Variants in ANXA2 observed in about 807,000 individuals in gnomAD.
ANXA2 encodes annexin A2.
Under a neutral mutation model 47.3 loss-of-function variants are expected in ANXA2, and 28 were observed. The ratio of observed to expected loss-of-function variants is 0.59; its 90% CI spans 0.44 to 0.81. ANXA2 has a LOEUF of 0.81. Ranked by LOEUF, ANXA2 falls within the 40% of genes least tolerant of loss-of-function variation. The pLI is 0.00. For missense variants in ANXA2, 384 were observed against 414.3 expected (o/e 0.93, Z 0.64); for synonymous variants, 172 against 155.5 (o/e 1.11, Z -0.79).
chr15:60,385,918 G>C, intron 2 of ANXA2, 110 bp downstream of exon 2: 1 of 667,860 alleles, frequency 1.5e-6, no homozygotes, highest in Non-Finnish European at 2.6e-6. Context: ...AATGATGACT[G>C]TCTGAATTGT....
chr15:60,367,441 G>C (rs1356213725), intron 3 of ANXA2, among the ~76,000 whole-genome samples: 4 of 79,210 alleles, frequency 5.0e-5, no homozygotes, highest in Admixed American at 3.6e-4. Context: ...GTGGGGGGGG[G>C]GGTCAGCCCC....
chr15:60,360,653 T>C (rs1167171575), intron 5 of ANXA2, among the ~76,000 whole-genome samples: 1 of 152,182 alleles, frequency 6.6e-6, no homozygotes, highest in African/African-American at 2.4e-5. Context: ...AAGGAGGAAG[T>C]GTAATCAAGG....
chr15:60,357,210 G>A lies in ANXA2; in HGVS notation c.384C>T (p.Leu128=). Residue 128 remains leucine, a synonymous_variant, in exon 6 of 13, where the codon CTC becomes CTT. Transcript: ENST00000451270. The stretch of plus-strand genomic sequence containing the variant: ...TGGTTCTGGAGCAGATGATCTCAAT[G>A]AGAGAGTCCTCGTCGGTTCCCAGCC... ...MKGLGTDEDS[L]IEIICSRTNQ... is the part of the protein sequence containing the mutation. 6.2e-7 allele frequency: 1 copy of A among 1,614,168 alleles called. No individual in the cohort carries two copies. The highest frequency in any genetic ancestry group is 1.7e-5 in the Admixed American group (1 of 60,022).
chr15:60,363,075 T>C (rs1389698974), intron 4 of ANXA2: 2 of 148,092 alleles, frequency 1.4e-5, no homozygotes, highest in African/African-American at 5.0e-5. Flanking sequence ...GGCTTCTATG[T>C]GTGTGTGTAC....
At chr15:60,395,892 T>G (rs936890513) in intron 1 of ANXA2, 1 of 152,222 alleles carries the variant, frequency 6.6e-6, no homozygotes, top group Non-Finnish European at 1.5e-5. Flanking sequence ...GGGACATTTT[T>G]GGACAAACCC....
intron 12 of ANXA2, 24 bp from the exon 13 acceptor site, chr15:60,347,713 G>C: frequency 6.2e-7 from 1 of 1,612,094 alleles, no homozygotes; most frequent in African/African-American, 1.3e-5. Context: ...GGAAAGAAAA[G>C]AAACGTGGTA....
chr15:60,386,041 C>T lies in ANXA2; in HGVS notation c.35G>A (p.Ser12Asn), dbSNP rs1390203091. The change falls in exon 2 of 13, where the codon AGC becomes AAC. Residue 12 changes from serine (S) to asparagine (N), a missense_variant. By Grantham distance (46) the Ser-to-Asn change is conservative. Transcript: ENST00000451270. ...TGATATACTTACATCACCCTCCAAG[C>T]TGAGCTTGCACAGGATTTCGTGAAC... ...STVHEILCKL[S>N]LEGDHSTPPS... The T allele has an allele frequency of 6.2e-7, 1 of 1,612,442 alleles. No individual in the cohort carries two copies. Among genetic ancestry groups the T allele is most frequent in the African/African-American group, 1.3e-5 (1 of 74,960 alleles).
chr15:60,397,861 C>G (rs2063102900), intron 1 of ANXA2, 82 bp downstream of exon 1: 1 of 1,388,108 alleles, frequency 7.2e-7, no homozygotes. Context: ...GCCTCCCTGC[C>G]AGGCCGTACC....
intron 8 of ANXA2, among the ~76,000 whole-genome samples, chr15:60,353,469 T>C (rs1267914250): frequency 6.6e-6 from 1 of 152,196 alleles, no homozygotes; most frequent in Non-Finnish European, 1.5e-5. Flanking sequence ...AAACTGATGC[T>C]TCCATACAAG....
chr15:60,392,424 A>G (rs959804201), intron 1 of ANXA2, among the ~76,000 whole-genome samples: 1 of 151,708 alleles, frequency 6.6e-6, no homozygotes, highest in Non-Finnish European at 1.5e-5. Context: ...AAAAAACTCT[A>G]TAGATTTTAT....
In ANXA2 at chr15:60,351,228, G is replaced by C. The variant is rs771711134; in HGVS notation, c.802C>G (p.Leu268Val). The change falls in exon 11 of 13, where the codon CTG (leucine) becomes GTG (valine). Residue 268 changes from leucine (L) to valine (V), a missense_variant. Transcript: ENST00000451270. Reference sequence around the variant, plus strand: ...TCATACAGCCGATCAGCAAAATACAGGGGCTTGTTCTGAATGCACTGAACT... The same window carrying C: ...TCATACAGCCGATCAGCAAAATACACGGGCTTGTTCTGAATGCACTGAACT... ...NLVQCIQNKP[L>V]YFADRLYDSM... 6.2e-7 allele frequency: 1 copy of C among 1,614,216 alleles called. No homozygotes were observed. Among genetic ancestry groups the C allele is most frequent in the South Asian group, 1.1e-5 (1 of 91,090 alleles).
chr15:60,359,943 G>C (rs898094680), intron 5 of ANXA2, among the ~76,000 whole-genome samples: 1 of 152,226 alleles, frequency 6.6e-6, no homozygotes, highest in Admixed American at 6.5e-5. Flanking sequence ...TAATGTGTGT[G>C]CATCTATTGC....
chr15:60,360,998 C>G lies in ANXA2; in HGVS notation c.300G>C (p.Leu100Phe). ...ALSGHLETVILGLLKTPAQYD... is the reference protein window; with the variant it reads ...ALSGHLETVIFGLLKTPAQYD... ...ACTGAGCAGGTGTCTTCAATAGGCCCAAAATCACCGTCTCCAGGTGGCCAG... is the reference window on the plus strand; with the variant it reads ...ACTGAGCAGGTGTCTTCAATAGGCCGAAAATCACCGTCTCCAGGTGGCCAG... The change falls in exon 5 of 13, where the codon TTG becomes TTC. Residue 100 changes from leucine (L) to phenylalanine (F), a missense_variant. Transcript: ENST00000451270. 6.2e-7 allele frequency: 1 copy of G among 1,614,028 alleles called. No homozygotes were observed. The highest frequency in any genetic ancestry group is 8.5e-7 in the Non-Finnish European group (1 of 1,179,912).
chr15:60,359,236 T>G (rs1327116953), intron 5 of ANXA2, among the ~76,000 whole-genome samples: 5 of 152,196 alleles, frequency 3.3e-5, no homozygotes. Context: ...ATTACAACAG[T>G]GACTGACAGC....
intron 3 of ANXA2, among the ~76,000 whole-genome samples, chr15:60,378,912 G>C (rs1402443897): frequency 6.6e-6 from 1 of 152,118 alleles, no homozygotes; most frequent in African/African-American, 2.4e-5. Context: ...GTTGCAGTGA[G>C]CCGAGATTGT....
At chr15:60,361,682 C>T (rs570811770) in intron 4 of ANXA2, among the ~76,000 whole-genome samples, 14 of 152,122 alleles carry the variant, frequency 9.2e-5, no homozygotes, top group Admixed American at 7.2e-4. Context: ...AAACTAACAC[C>T]CCCGAACTGG....
At chr15:60,371,222 C>A (rs2062706270) in intron 3 of ANXA2, among the ~76,000 whole-genome samples, 1 of 152,120 alleles carries the variant, frequency 6.6e-6, no homozygotes, top group Non-Finnish European at 1.5e-5. Context: ...TCGTGGGCAC[C>A]CCCAGAGGTC....
At chr15:60,362,267 A>G (rs2062525824) in intron 4 of ANXA2, among the ~76,000 whole-genome samples, 2 of 152,066 alleles carry the variant, frequency 1.3e-5, no homozygotes, top group Non-Finnish European at 2.9e-5. Flanking sequence ...CCCTCTACCC[A>G]TTCTCTATTC....
chr15:60,349,728 CAGAG>C (rs370137354), intron 11 of ANXA2, among the ~76,000 whole-genome samples: 10 of 121,738 alleles, frequency 8.2e-5, no homozygotes, highest in Middle Eastern at 9.6e-3. Context: ...GAGGGAAAGA[CAGAG>C]AGAGAGAGAG....
Sources: gnomAD v4.1 joint callset for allele counts (sites outside exome capture counted in the v4.1 genomes callset) on GRCh38, gnomAD v4.1.1 for gene constraint, MANE v1.5 for transcripts, NCBI Gene and HGNC (gene_info 2026-07-23, HGNC 2026-07-21) for gene names.